ILRUN: variants seen among roughly 807,000 people sequenced by gnomAD.
ILRUN encodes protein ILRUN.
A neutral mutation model predicts 33.8 loss-of-function variants in ILRUN; 3 were observed. The observed-to-expected ratio is 0.09, with a 90% CI of 0.04 to 0.23. The LOEUF is 0.23. Among genes scored for constraint, ILRUN ranks in the 10% least tolerant of loss-of-function variants. The pLI, the probability that ILRUN is intolerant of heterozygous loss-of-function variation, is 1.00. For synonymous variants in ILRUN, 124 were observed against 138.9 expected (o/e 0.89, Z 0.75); for missense variants, 210 against 375.1 (o/e 0.56, Z 3.64).
Position 34,588,046 on chromosome 6 carries a change from C to A in ILRUN, c.*2519G>T. On this transcript the variant is annotated 3_prime_UTR_variant, in exon 5 of 5. Coordinates refer to ENST00000374023, the MANE Select transcript of ILRUN (RefSeq NM_024294.4). ...CACTAGGCAGGGGAGCAGAGAGGGGCCCTAGGCATTGCTCTGAACCCATAC... is the reference window on the plus strand; with the variant it reads ...CACTAGGCAGGGGAGCAGAGAGGGGACCTAGGCATTGCTCTGAACCCATAC... 2.5e-6 allele frequency: 1 copy of A among 398,746 alleles called. No individual in the cohort carries two copies. The highest frequency in any genetic ancestry group is 6.3e-4 in the Middle Eastern group (1 of 1,588). The allele number at this position is 398,746 out of a possible 1,614,324, so 24.7% of individuals were successfully genotyped here.
intron 1 of ILRUN, among the ~76,000 whole-genome samples, chr6:34,665,847 T>C (rs1375717158): frequency 1.3e-5 from 2 of 152,154 alleles, no homozygotes; most frequent in African/African-American, 4.8e-5. Context: ...GCCACACTTT[T>C]GCATACACTT....
In ILRUN at chr6:34,646,746, T is replaced by A; in HGVS notation, c.366A>T (p.Gln122His). The stretch of plus-strand genomic sequence containing the variant: ...CCATCACCATGTTCACATGTCCAAA[T>A]TGGTCTCCCCCGACATATTTAAGAC... ...GVCLKYVGGDQFGHVNMVMVR... is the reference protein window; with the variant it reads ...GVCLKYVGGDHFGHVNMVMVR... Residue 122 changes from glutamine to histidine, a missense_variant, in exon 3 of 5, where the codon CAA becomes CAT. Transcript: ENST00000374023. This position sits in a 1 kb window ranked among gnomAD's most constrained non-coding sequence, Gnocchi z 4.9. 6.2e-7 allele frequency: 1 copy of A among 1,614,108 alleles called. No homozygotes were observed. The highest frequency in any genetic ancestry group is 8.5e-7 in the Non-Finnish European group (1 of 1,180,034).
chr6:34,668,926 C>T lies in ILRUN; in HGVS notation c.159-14147G>A, dbSNP rs149309810. Among the ~76,000 whole-genome samples, 1,257 of 151,568 alleles carry T rather than the reference C, an allele frequency of 8.3e-3. 17 individuals are homozygous for T. Among genetic ancestry groups the T allele is most frequent in the African/African-American group, 0.028 (1,174 of 41,216 alleles). On this transcript the variant is annotated intron_variant, in intron 1 of 4. Coordinates refer to ENST00000374023, the MANE Select transcript of ILRUN (RefSeq NM_024294.4). ...TGGCGTAATCTTGGATCACTGCAAC[C>T]TCCGCCTCCCAAGTTCAAGTGATTT...
intron 4 of ILRUN, among the ~76,000 whole-genome samples, chr6:34,598,910 T>C (rs1761454684): frequency 1.3e-5 from 2 of 152,246 alleles, no homozygotes; most frequent in African/African-American, 4.8e-5. Flanking sequence ...CAGAGTATCC[T>C]GGCAAGTCCC....
At chr6:34,609,986 G>A (rs1196282979) in intron 3 of ILRUN, among the ~76,000 whole-genome samples, 2 of 151,646 alleles carry the variant, frequency 1.3e-5, no homozygotes, top group Admixed American at 6.6e-5. Flanking sequence ...GTGAAACCCC[G>A]TCTCTACTAA....
chr6:34,635,886 T>C (rs1762358571), intron 3 of ILRUN, among the ~76,000 whole-genome samples: 1 of 152,080 alleles, frequency 6.6e-6, no homozygotes, highest in African/African-American at 2.4e-5. Flanking sequence ...CCTCCCAAAG[T>C]GCTGGGATTA....
intron 1 of ILRUN, among the ~76,000 whole-genome samples, chr6:34,676,105 A>G (rs1763223664): frequency 6.6e-6 from 1 of 152,172 alleles, no homozygotes; most frequent in African/African-American, 2.4e-5. Context: ...TTTAAAAATC[A>G]AGTTTGAGAA....
At chr6:34,682,251 GTTTTTT>G (rs66948142) in intron 1 of ILRUN, among the ~76,000 whole-genome samples, 1 of 51,072 alleles carries the variant, frequency 2.0e-5, no homozygotes, top group African/African-American at 9.5e-5. Context: ...TGCAACCTCT[GTTTTTT>G]TTTTTTTTTT....
rs942494192 is a variant in ILRUN at position 34,681,592 on chromosome 6, G to A, written c.158+14854C>T. ...CAGTCTGCCAACATAGCAAGACCCC[G>A]TCTCATTTTAAAAATAAAAAAATAA... On this transcript the variant is annotated intron_variant, in intron 1 of 4. Transcript: ENST00000374023. Among the ~76,000 whole-genome samples the A allele has an allele frequency of 5.9e-5, 9 of 151,994 alleles. No homozygotes were observed. The South Asian group carries it at 1.0e-3, about 18-fold the overall frequency.
Position 34,696,499 on chromosome 6 carries a change from G to A in ILRUN, c.105C>T (p.Leu35=), listed in dbSNP as rs368472740. The change falls in exon 1 of 5, where the codon CTC becomes CTT. Residue 35 remains leucine, a synonymous_variant. Coordinates refer to ENST00000374023, the MANE Select transcript of ILRUN (RefSeq NM_024294.4). ...DVLISEFQRL[L]GFQLNPAGCA... ...AACCGGCAGGATTGAGCTGGAAGCC[G>A]AGCAGCCTCTGGAACTCGGAGATGA... 5 of 1,612,108 alleles carry A rather than the reference G, an allele frequency of 3.1e-6. No homozygotes were observed. Among genetic ancestry groups the A allele is most frequent in the East Asian group, 2.2e-5 (1 of 44,802 alleles).
intron 3 of ILRUN, among the ~76,000 whole-genome samples, chr6:34,630,171 C>T (rs950176463): frequency 2.0e-5 from 3 of 152,082 alleles, no homozygotes; most frequent in Non-Finnish European, 2.9e-5. Context: ...AGTGCATACA[C>T]GTGGATATGC....
intron 1 of ILRUN, among the ~76,000 whole-genome samples, chr6:34,667,212 T>C (rs1405311289): frequency 6.6e-6 from 1 of 152,166 alleles, no homozygotes; most frequent in Non-Finnish European, 1.5e-5. Context: ...ATGAAGGTGT[T>C]TATGTAGTTC....
chr6:34,606,505 C>A, intron 4 of ILRUN, 50 bp downstream of exon 4: 10 of 1,484,366 alleles, frequency 6.7e-6, no homozygotes, highest in Admixed American at 1.9e-5. Flanking sequence ...AGGGGTATCA[C>A]AAGTCCCAAG....
chr6:34,636,063 C>T (rs1762362024), intron 3 of ILRUN, among the ~76,000 whole-genome samples: 1 of 152,048 alleles, frequency 6.6e-6, no homozygotes, highest in African/African-American at 2.4e-5. Context: ...TATAGACCAA[C>T]CCTGGCAATG....
intron 1 of ILRUN, among the ~76,000 whole-genome samples, chr6:34,681,369 C>T (rs1342124921): frequency 2.0e-5 from 3 of 152,210 alleles, no homozygotes; most frequent in Non-Finnish European, 4.4e-5. Context: ...CCAAGACAAA[C>T]ATTAACTTTG....
chr6:34,648,982 TGCTACATTCCAGA>T (rs1248093553), intron 2 of ILRUN, among the ~76,000 whole-genome samples: 2 of 152,242 alleles, frequency 1.3e-5, no homozygotes, highest in Non-Finnish European at 2.9e-5. Context: ...AAAGGAGTGC[TGCTACATTCCAGA>T]GAAACTGAGT....
intron 1 of ILRUN, among the ~76,000 whole-genome samples, chr6:34,678,336 C>T (rs894109808): frequency 6.6e-6 from 1 of 152,068 alleles, no homozygotes; most frequent in South Asian, 2.1e-4. Context: ...CCACCACACC[C>T]GGCTCTAATT....
intron 1 of ILRUN, among the ~76,000 whole-genome samples, chr6:34,683,474 A>ATATATATG (rs1468121799): frequency 5.6e-5 from 4 of 72,020 alleles, no homozygotes; most frequent in African/African-American, 4.9e-4. Context: ...ATATATATAC[A>ATATATATG]CATATATATA....
chr6:34,592,980 G>C lies in ILRUN; in HGVS notation c.862-2380C>G, dbSNP rs139311345. Among the ~76,000 whole-genome samples the C allele has an allele frequency of 6.6e-6, 1 of 152,114 alleles. No individual in the cohort carries two copies. The highest frequency in any genetic ancestry group is 2.4e-5 in the African/African-American group (1 of 41,432). On this transcript the variant is annotated intron_variant, in intron 4 of 4. Coordinates refer to ENST00000374023, the MANE Select transcript of ILRUN (RefSeq NM_024294.4). This position sits in a 1 kb window ranked among gnomAD's most constrained non-coding sequence, Gnocchi z 4.0. The stretch of plus-strand genomic sequence containing the variant: ...CTTGAGGTGAGGAGTTAGGAGATCA[G>C]TATGGGTAACACAGTGTGACTCCAT...
Sources: gnomAD v4.1 joint callset for allele counts (sites outside exome capture counted in the v4.1 genomes callset) on GRCh38, gnomAD v4.1.1 for gene constraint, Gnocchi (gnomAD v3.1) non-coding constraint, MANE v1.5 for transcripts, NCBI Gene and HGNC (gene_info 2026-07-23, HGNC 2026-07-21) for gene names.